The following XKR4 variants were observed in gnomAD, a reference collection of about 807,000 sequenced individuals.
The protein encoded by XKR4 is XK-related protein 4.
Under a neutral mutation model 53.9 loss-of-function variants are expected in XKR4, and 12 were observed. The ratio of observed to expected loss-of-function variants is 0.22; its 90% CI spans 0.14 to 0.36. XKR4 has a LOEUF of 0.36. XKR4 is among the 10% of genes least tolerant of loss of function. The probability of loss-of-function intolerance (pLI) is 1.00; values close to 1 mark genes in which losing one functional copy is unlikely to be tolerated. For missense variants in XKR4, 799 were observed against 859.5 expected (o/e 0.93, Z 0.88); for synonymous variants, 354 against 362.4 (o/e 0.98, Z 0.26).
intron 2 of XKR4, among the ~76,000 whole-genome samples, chr8:55,429,974 C>T (rs948938955): frequency 2.6e-5 from 4 of 151,906 alleles, no homozygotes; most frequent in African/African-American, 9.7e-5. Flanking sequence ...GGGACATGGG[C>T]AAATGATATG....
chr8:55,180,234 G>A (rs1001123046), intron 1 of XKR4, among the ~76,000 whole-genome samples: 1 of 152,126 alleles, frequency 6.6e-6, no homozygotes, highest in South Asian at 2.1e-4. Context: ...AATCAGTCAG[G>A]GATTATCTGT....
intron 1 of XKR4, among the ~76,000 whole-genome samples, chr8:55,347,579 G>A (rs1409070044): frequency 6.6e-6 from 1 of 152,136 alleles, no homozygotes; most frequent in Non-Finnish European, 1.5e-5. Flanking sequence ...TAATAAGACT[G>A]ACCATATGAG....
intron 1 of XKR4, among the ~76,000 whole-genome samples, chr8:55,141,275 C>G (rs1338220817): frequency 1.3e-5 from 2 of 152,194 alleles, no homozygotes; most frequent in Non-Finnish European, 2.9e-5. Context: ...TCCTCTGCCT[C>G]CAGCCCCCTC....
At chr8:55,208,950 G>A (rs1817686473) in intron 1 of XKR4, among the ~76,000 whole-genome samples, 1 of 152,166 alleles carries the variant, frequency 6.6e-6, no homozygotes, top group Admixed American at 6.5e-5. Context: ...GTATGTAGAG[G>A]ATGAAGAGAA....
chr8:55,494,769 G>A (rs918144529), intron 2 of XKR4, among the ~76,000 whole-genome samples: 1 of 152,122 alleles, frequency 6.6e-6, no homozygotes, highest in Non-Finnish European at 1.5e-5. Flanking sequence ...GGGTTTTTAT[G>A]GACCTCAGAC....
At chr8:55,224,842 T>G (rs760807615) in intron 1 of XKR4, among the ~76,000 whole-genome samples, 9 of 152,196 alleles carry the variant, frequency 5.9e-5, no homozygotes, top group Non-Finnish European at 1.2e-4. Context: ...CTTTATGGCA[T>G]TTCTTGTTCT....
intron 1 of XKR4, among the ~76,000 whole-genome samples, chr8:55,211,972 G>T (rs185679572): frequency 6.6e-6 from 1 of 152,294 alleles, no homozygotes; most frequent in Admixed American, 6.5e-5. Context: ...CATGGGTTTG[G>T]TCTAACTTGG....
chr8:55,220,439 T>C (rs1314210955), intron 1 of XKR4, among the ~76,000 whole-genome samples: 1 of 152,232 alleles, frequency 6.6e-6, no homozygotes, highest in Non-Finnish European at 1.5e-5. Flanking sequence ...AAATATTTAA[T>C]TTTCTTGAAA....
At chr8:55,196,089 A>C (rs1383506296) in intron 1 of XKR4, among the ~76,000 whole-genome samples, 1 of 152,066 alleles carries the variant, frequency 6.6e-6, no homozygotes, top group East Asian at 1.9e-4. Context: ...GGCAGAGAGA[A>C]GCCACTCAGT....
intron 1 of XKR4, among the ~76,000 whole-genome samples, chr8:55,134,733 T>C (rs2129353439): frequency 6.6e-6 from 1 of 152,352 alleles, no homozygotes; most frequent in East Asian, 1.9e-4. Flanking sequence ...CCTGCCTTGG[T>C]GGGCTCTTGC....
intron 1 of XKR4, among the ~76,000 whole-genome samples, chr8:55,347,687 T>G (rs1053499755): frequency 2.6e-5 from 4 of 152,196 alleles, no homozygotes; most frequent in African/African-American, 9.6e-5. Flanking sequence ...AGAGAGGGCT[T>G]TTATCGGGAA....
At chr8:55,482,037 C>A (rs979854338) in intron 2 of XKR4, among the ~76,000 whole-genome samples, 2 of 152,124 alleles carry the variant, frequency 1.3e-5, no homozygotes, top group African/African-American at 4.8e-5. Context: ...CCAGCCATCC[C>A]ATTACTGAGT....
chr8:55,456,583 T>C (rs534121257), intron 2 of XKR4, among the ~76,000 whole-genome samples: 14 of 152,128 alleles, frequency 9.2e-5, no homozygotes, highest in East Asian at 1.9e-4. Flanking sequence ...AACCCAAATA[T>C]TGGAAGTGAA....
chr8:55,312,418 A>T (rs1256185544), intron 1 of XKR4, among the ~76,000 whole-genome samples: 2 of 152,232 alleles, frequency 1.3e-5, no homozygotes, highest in Non-Finnish European at 2.9e-5. Context: ...ATAGCCAATT[A>T]CAAAGGCAGA....
At chr8:55,314,845 G>A (rs946596702) in intron 1 of XKR4, among the ~76,000 whole-genome samples, 1 of 152,148 alleles carries the variant, frequency 6.6e-6, no homozygotes, top group Non-Finnish European at 1.5e-5. Context: ...TTCAAGAAGG[G>A]AAGGCCATTT....
chr8:55,377,766 T>C (rs1038010268), intron 2 of XKR4, among the ~76,000 whole-genome samples: 1 of 152,206 alleles, frequency 6.6e-6, no homozygotes, highest in Non-Finnish European at 1.5e-5. Context: ...AGGACATCTA[T>C]AGGCTGTGCC....
intron 1 of XKR4, among the ~76,000 whole-genome samples, chr8:55,195,934 G>A (rs971486123): frequency 1.3e-5 from 2 of 152,268 alleles, no homozygotes; most frequent in South Asian, 4.1e-4. Flanking sequence ...GGAATTTATG[G>A]TTTTATAGAT....
At chr8:55,386,091 A>T (rs909306641) in intron 2 of XKR4, among the ~76,000 whole-genome samples, 2 of 152,266 alleles carry the variant, frequency 1.3e-5, no homozygotes, top group Non-Finnish European at 2.9e-5. Context: ...TGAAATGTCA[A>T]GACATCAAAA....
chr8:55,494,549 G>A (rs1409660013), intron 2 of XKR4, among the ~76,000 whole-genome samples: 1 of 152,172 alleles, frequency 6.6e-6, no homozygotes. Flanking sequence ...TTTATTAAGT[G>A]ATAGAACAGC....
Sources: allele counts gnomAD v4.1 joint callset (sites outside exome capture counted in the v4.1 genomes callset), GRCh38; gene constraint gnomAD v4.1.1; transcripts MANE v1.5; gene names NCBI Gene and HGNC (gene_info 2026-07-23, HGNC 2026-07-21).